Variants in IL1RAPL2 observed in about 807,000 individuals in gnomAD.
The protein encoded by IL1RAPL2 is interleukin 1 receptor accessory protein like 2, also known as X-linked interleukin-1 receptor accessory protein-like 2.
In IL1RAPL2, 3 loss-of-function variants were observed where a neutral mutation model predicts 44.1. The ratio of observed to expected loss-of-function variants is 0.07; its 90% CI spans 0.03 to 0.18. The LOEUF (loss-of-function observed/expected upper bound fraction) is 0.18, where lower values mean the gene tolerates loss of function less well. Ranked by LOEUF, IL1RAPL2 falls within the 10% of genes least tolerant of loss-of-function variation. IL1RAPL2 has a pLI of 1.00. For missense variants in IL1RAPL2, 391 were observed against 496.4 expected (o/e 0.79, Z 2.02); for synonymous variants, 181 against 178.8 (o/e 1.01, Z -0.10).
chrX:105,211,648 A>G (rs1211750930), intron 3 of IL1RAPL2, among the ~76,000 whole-genome samples: 4 of 111,455 alleles, frequency 3.6e-5, no homozygotes, highest in African/African-American at 1.3e-4. Flanking sequence ...CTCTCCTGGT[A>G]CCAATTTCTG....
chrX:105,452,264 A>G (rs1415092997), intron 5 of IL1RAPL2, among the ~76,000 whole-genome samples: 1 of 111,690 alleles, frequency 9.0e-6, no homozygotes, highest in African/African-American at 3.2e-5. Context: ...AAAACTATGT[A>G]TTATTTTTGA....
At chrX:105,208,215 A>T (rs2147618537) in intron 3 of IL1RAPL2, among the ~76,000 whole-genome samples, 1 of 112,083 alleles carries the variant, frequency 8.9e-6, no homozygotes, top group Admixed American at 9.5e-5. Flanking sequence ...GAAACATGAG[A>T]TTTTAGACAT....
chrX:104,739,084 G>A (rs763130889), intron 2 of IL1RAPL2, among the ~76,000 whole-genome samples: 1 of 111,520 alleles, frequency 9.0e-6, no homozygotes, highest in Non-Finnish European at 1.9e-5. Flanking sequence ...GAACCAGTGA[G>A]TAGGAGTCAT....
chrX:104,963,631 G>A (rs1409331712), intron 2 of IL1RAPL2, among the ~76,000 whole-genome samples: 2 of 110,870 alleles, frequency 1.8e-5, no homozygotes, highest in African/African-American at 6.6e-5. Flanking sequence ...CTCTTCCTTG[G>A]CTCAGGTAGT....
At chrX:105,727,110 G>A (rs1234654504) in intron 7 of IL1RAPL2, among the ~76,000 whole-genome samples, 1 of 111,132 alleles carries the variant, frequency 9.0e-6, no homozygotes, top group African/African-American at 3.3e-5. Context: ...CTCATACTCA[G>A]GATAATGACC....
chrX:105,601,109 G>GT (rs1401514669), intron 6 of IL1RAPL2, among the ~76,000 whole-genome samples: 1 of 110,222 alleles, frequency 9.1e-6, no homozygotes, highest in Non-Finnish European at 1.9e-5. Flanking sequence ...AGGTAATTTT[G>GT]TTTTTTTTAA....
intron 5 of IL1RAPL2, among the ~76,000 whole-genome samples, chrX:105,448,626 A>G (rs985638236): frequency 3.6e-5 from 4 of 110,959 alleles, no homozygotes; most frequent in Admixed American, 1.9e-4. Flanking sequence ...TGGCCTCCCA[A>G]TGTGCTGGGA....
At chrX:104,905,530 A>T (rs1296738388) in intron 2 of IL1RAPL2, among the ~76,000 whole-genome samples, 2 of 111,938 alleles carry the variant, frequency 1.8e-5, no homozygotes, top group Admixed American at 9.5e-5. Flanking sequence ...ATGGCTAGCC[A>T]ATTTTCCCAG....
At chrX:104,921,994 C>G (rs918361354) in intron 2 of IL1RAPL2, among the ~76,000 whole-genome samples, 2 of 112,277 alleles carry the variant, frequency 1.8e-5, no homozygotes, top group Admixed American at 1.9e-4. Context: ...GCCGCCACCC[C>G]CCACTGGAGG....
At chrX:104,890,530 G>A (rs1359215197) in intron 2 of IL1RAPL2, among the ~76,000 whole-genome samples, 3 of 112,135 alleles carry the variant, frequency 2.7e-5, no homozygotes, top group East Asian at 2.8e-4. Context: ...GTTTTGATTT[G>A]CATTTCTCTG....
chrX:104,572,169 G>A (rs978454257), intron 1 of IL1RAPL2, among the ~76,000 whole-genome samples: 3 of 111,729 alleles, frequency 2.7e-5, no homozygotes, highest in Non-Finnish European at 5.6e-5. Context: ...TGTCCAAATT[G>A]GGAAACTTTG....
intron 1 of IL1RAPL2, among the ~76,000 whole-genome samples, chrX:104,598,334 T>C (rs1928808305): frequency 8.9e-6 from 1 of 111,806 alleles, no homozygotes; most frequent in Admixed American, 9.5e-5. Flanking sequence ...TGTGCAGTCA[T>C]TTTTTGTAAC....
At chrX:105,059,631 A>G (rs1331941311) in intron 2 of IL1RAPL2, among the ~76,000 whole-genome samples, 2 of 111,246 alleles carry the variant, frequency 1.8e-5, no homozygotes, top group East Asian at 2.8e-4. Flanking sequence ...CCCGGGTTCA[A>G]GTGATTATCC....
chrX:105,171,973 A>G (rs1166238293), intron 2 of IL1RAPL2, among the ~76,000 whole-genome samples: 1 of 112,282 alleles, frequency 8.9e-6, no homozygotes, highest in Non-Finnish European at 1.9e-5. Context: ...CTTTAAATCC[A>G]ACCCCTTCTC....
intron 5 of IL1RAPL2, among the ~76,000 whole-genome samples, chrX:105,472,576 C>A (rs528345661): frequency 1.8e-5 from 2 of 111,944 alleles, no homozygotes; most frequent in African/African-American, 6.5e-5. Flanking sequence ...TCTTCTGTAT[C>A]CAGTAATCAC....
At chrX:105,006,033 G>A (rs2030936234) in intron 2 of IL1RAPL2, among the ~76,000 whole-genome samples, 1 of 110,641 alleles carries the variant, frequency 9.0e-6, no homozygotes, top group Admixed American at 9.7e-5. Flanking sequence ...ACACATGGGG[G>A]ATTTTTATCT....
At chrX:104,698,228 A>G (rs763415780) in intron 2 of IL1RAPL2, among the ~76,000 whole-genome samples, 19 of 112,756 alleles carry the variant, frequency 1.7e-4, no homozygotes, top group Non-Finnish European at 2.8e-4. Context: ...TATTTTGTAA[A>G]TGAATCTAAG....
chrX:104,675,736 G>C lies in IL1RAPL2; in HGVS notation c.82+16741G>C, dbSNP rs960299208. 1.3e-4 allele frequency among the ~76,000 whole-genome samples: 14 copies of C among 110,456 alleles called. No individual in the cohort carries two copies. In the East Asian group the frequency reaches 2.3e-3, roughly 18 times the overall value. On this transcript the variant is annotated intron_variant, in intron 2 of 10. Transcript: ENST00000372582. ...CCATTATTATTGTGTGGGAGTCTAA[G>C]TCTCTTTGTAGGTCACTCAGGACTT...
chrX:105,105,070 T>C (rs908848267), intron 2 of IL1RAPL2, among the ~76,000 whole-genome samples: 2 of 112,058 alleles, frequency 1.8e-5, no homozygotes, highest in African/African-American at 6.5e-5. Context: ...GTTAGGCAAT[T>C]GAATGGATGA....
Sources: allele counts gnomAD v4.1 joint callset (sites outside exome capture counted in the v4.1 genomes callset), GRCh38; gene constraint gnomAD v4.1.1; transcripts MANE v1.5; gene names NCBI Gene and HGNC (gene_info 2026-07-23, HGNC 2026-07-21).